GPC5: variants seen among roughly 807,000 people sequenced by gnomAD.
GPC5 encodes the protein glypican 5.
GPC5 carries 47 observed loss-of-function variants against 53.9 expected under a neutral mutation model. The ratio of observed to expected loss-of-function variants is 0.87; its 90% CI spans 0.69 to 1.11. The LOEUF (loss-of-function observed/expected upper bound fraction) is 1.11. Among genes scored for constraint, GPC5 ranks in the 50% most tolerant of loss-of-function variants. The probability of loss-of-function intolerance (pLI) is 0.00; values close to 1 mark genes in which losing one functional copy is unlikely to be tolerated. For synonymous variants in GPC5, 286 were observed against 263.3 expected, an observed-to-expected ratio of 1.09 and a Z score of -0.84; for missense variants, 748 against 713.1, an observed-to-expected ratio of 1.05 and a Z score of -0.56.
intron 1 of GPC5, among the ~76,000 whole-genome samples, chr13:91,434,103 C>T (rs1253590352): frequency 3.3e-5 from 5 of 152,034 alleles, no homozygotes; most frequent in African/African-American, 1.2e-4. Flanking sequence ...GGATATTAGC[C>T]CTTTGTCAGA....
chr13:92,577,708 G>A (rs1333073397), intron 7 of GPC5, among the ~76,000 whole-genome samples: 1 of 151,998 alleles, frequency 6.6e-6, no homozygotes, highest in East Asian at 1.9e-4. Flanking sequence ...TTAATATCCT[G>A]CAAGTCACAA....
intron 2 of GPC5, among the ~76,000 whole-genome samples, chr13:91,609,174 T>C (rs1034181519): frequency 5.3e-5 from 8 of 150,646 alleles, no homozygotes; most frequent in Admixed American, 4.0e-4. Flanking sequence ...GCACCAGCTC[T>C]CTGAAATTAA....
chr13:92,597,075 AT>A (rs1396371175), intron 7 of GPC5, among the ~76,000 whole-genome samples: 2 of 152,054 alleles, frequency 1.3e-5, no homozygotes, highest in Non-Finnish European at 2.9e-5. Context: ...TTATTTTTTA[AT>A]TTTTATTTTA....
At chr13:91,451,491 C>T (rs1881169638) in intron 2 of GPC5, among the ~76,000 whole-genome samples, 1 of 152,096 alleles carries the variant, frequency 6.6e-6, no homozygotes, top group Non-Finnish European at 1.5e-5. Flanking sequence ...GGAAGCCATG[C>T]TGACAGCTGT....
chr13:91,496,395 C>T (rs950195786), intron 2 of GPC5, among the ~76,000 whole-genome samples: 7 of 152,022 alleles, frequency 4.6e-5, no homozygotes, highest in African/African-American at 7.2e-5. Flanking sequence ...TATCAACAGA[C>T]GAATGGATAA....
At chr13:92,699,219 G>GTGTT (rs1313517570) in intron 7 of GPC5, among the ~76,000 whole-genome samples, 1 of 152,136 alleles carries the variant, frequency 6.6e-6, no homozygotes, top group African/African-American at 2.4e-5. Flanking sequence ...TTGCATAGAA[G>GTGTT]TGTTTATAGT....
chr13:92,546,725 A>G (rs961945410), intron 7 of GPC5, among the ~76,000 whole-genome samples: 32 of 152,228 alleles, frequency 2.1e-4, no homozygotes, highest in Non-Finnish European at 3.4e-4. Context: ...TCCTAAGCCA[A>G]AAGAACAAAG....
chr13:92,854,898 A>G lies in GPC5; in HGVS notation c.1562-11384A>G, dbSNP rs559175048. 2.6e-5 allele frequency among the ~76,000 whole-genome samples: 4 copies of G among 152,048 alleles called. No individual in the cohort carries two copies. In the South Asian group the frequency reaches 8.3e-4, roughly 32 times the overall value. ...AAGCTTTTTAGTTTAAAAATGTTAC[A>G]TTTGTCTATTTTTATTTTTGTTGCC... is the stretch of plus-strand genomic sequence containing the variant. On this transcript the variant is annotated intron_variant, in intron 7 of 7. Transcript: ENST00000377067.
At chr13:91,834,792 C>T (rs1251746700) in intron 5 of GPC5, among the ~76,000 whole-genome samples, 1 of 152,064 alleles carries the variant, frequency 6.6e-6, no homozygotes, top group African/African-American at 2.4e-5. Context: ...CCATAAAAAC[C>T]TTAGAAGAAA....
chr13:92,110,662 T>C (rs1330373516), intron 6 of GPC5, among the ~76,000 whole-genome samples: 4 of 152,192 alleles, frequency 2.6e-5, no homozygotes, highest in African/African-American at 7.2e-5. Context: ...AACCAAGCAA[T>C]AGTAGTCTCA....
chr13:92,139,822 CTA>C (rs1451077635), intron 6 of GPC5, among the ~76,000 whole-genome samples: 2 of 152,012 alleles, frequency 1.3e-5, no homozygotes, highest in African/African-American at 4.8e-5. Context: ...AGAGAAAACA[CTA>C]TTCCATTAGA....
chr13:91,993,373 C>A (rs1031513943), intron 6 of GPC5, among the ~76,000 whole-genome samples: 1 of 151,456 alleles, frequency 6.6e-6, no homozygotes, highest in African/African-American at 2.4e-5. Flanking sequence ...TTTTTTCCTC[C>A]AGAAATCAAC....
chr13:91,946,622 G>T (rs1255104506), intron 6 of GPC5, among the ~76,000 whole-genome samples: 1 of 152,150 alleles, frequency 6.6e-6, no homozygotes, highest in African/African-American at 2.4e-5. Context: ...TAACACCTCA[G>T]ATTGCATGTT....
In GPC5 at chr13:92,355,004, ATTAGC is replaced by A. The variant is rs200773907; in HGVS notation, c.1561+210018_1561+210022del. Among the ~76,000 whole-genome samples the A allele has an allele frequency of 4.3e-3, 645 of 151,574 alleles. 2 individuals are homozygous for A. The highest frequency in any genetic ancestry group is 0.015 in the African/African-American group (624 of 41,334). ...GCTTTAATATATAATTTAATATTAA[ATTAGC>A]TTTAATTTAATATTTAATAATCTGC... is the stretch of plus-strand genomic sequence containing the variant. On this transcript the variant is annotated intron_variant, in intron 7 of 7. Transcript: ENST00000377067.
intron 7 of GPC5, among the ~76,000 whole-genome samples, chr13:92,299,127 T>C (rs1446843092): frequency 1.3e-5 from 2 of 152,132 alleles, no homozygotes; most frequent in African/African-American, 2.4e-5. Flanking sequence ...GAAATGGAAA[T>C]AAAAGTTTGA....
rs575970121 is a variant in GPC5, at chr13:91,431,513, AT to A, written c.164-17244del. ...TCCATTTCTCTACTTCATTTGCTAT[AT>A]TTTGTCTCCACGGTGAAATAGAATA... On this transcript the variant is annotated intron_variant, in intron 1 of 7. Transcript: ENST00000377067. Among the ~76,000 whole-genome samples the A allele has an allele frequency of 3.3e-5, 5 of 152,304 alleles. No individual in the cohort carries two copies. In the South Asian group the frequency reaches 1.0e-3, roughly 32 times the overall value.
At chr13:92,174,962 G>C (rs2042099074) in intron 7 of GPC5, among the ~76,000 whole-genome samples, 1 of 152,132 alleles carries the variant, frequency 6.6e-6, no homozygotes. Flanking sequence ...CGATTCTCCT[G>C]TCTCAGCCTC....
intron 6 of GPC5, among the ~76,000 whole-genome samples, chr13:91,954,894 A>G (rs1418330110): frequency 6.6e-6 from 1 of 152,138 alleles, no homozygotes; most frequent in Non-Finnish European, 1.5e-5. Flanking sequence ...TGATTTTAGC[A>G]AGACTATTGG....
At chr13:92,551,394 A>G (rs1385024322) in intron 7 of GPC5, among the ~76,000 whole-genome samples, 1 of 127,184 alleles carries the variant, frequency 7.9e-6, no homozygotes, top group Admixed American at 7.4e-5. Context: ...GATTAACCAG[A>G]TATTTTCAAA....
Sources: allele counts gnomAD v4.1 joint callset (sites outside exome capture counted in the v4.1 genomes callset), GRCh38; gene constraint gnomAD v4.1.1; transcripts MANE v1.5; gene names NCBI Gene and HGNC (gene_info 2026-07-23, HGNC 2026-07-21).